The following RB1 variants were observed in gnomAD, a reference collection of about 807,000 sequenced individuals.
RB1 encodes the protein RB transcriptional corepressor 1.
Under a neutral mutation model 135.4 loss-of-function variants are expected in RB1, and 18 were observed. The observed-to-expected ratio is 0.13, with a 90% confidence interval of 0.09 to 0.20. The LOEUF (loss-of-function observed/expected upper bound fraction) is 0.20, where lower values mean the gene tolerates loss of function less well. Ranked by LOEUF, RB1 falls within the 10% of genes least tolerant of loss-of-function variation. The pLI is 1.00. For missense variants in RB1, 868 were observed against 1,110.0 expected, an observed-to-expected ratio of 0.78 and a Z score of 3.10; for synonymous variants, 365 against 373.2, an observed-to-expected ratio of 0.98 and a Z score of 0.25.
rs768484729 is a variant in RB1, at chr13:48,479,949, C to T, written c.2714-49C>T. On this transcript the variant is annotated intron_variant, in intron 26 of 26. Coordinates refer to ENST00000267163, the MANE Select transcript of RB1 (RefSeq NM_000321.3). The stretch of plus-strand genomic sequence containing the variant: ...AATATATATGGCAGCCACTTGCCAA[C>T]TTACCCAGTACCATCAATGCTGTTA... 10 of 1,519,952 alleles carry T rather than the reference C, an allele frequency of 6.6e-6. No homozygotes were observed. In the African/African-American group the frequency reaches 1.4e-4, roughly 21 times the overall value. The allele number at this position is 1,519,952 out of a possible 1,614,324, so 94.2% of individuals were successfully genotyped here.
At chr13:48,424,378 T>C (rs1949050188) in intron 17 of RB1, among the ~76,000 whole-genome samples, 1 of 152,170 alleles carries the variant, frequency 6.6e-6, no homozygotes, top group Admixed American at 6.5e-5. Flanking sequence ...TTCAAAGAGT[T>C]GAACCAACTT....
intron 17 of RB1, among the ~76,000 whole-genome samples, chr13:48,414,141 A>G (rs1948866829): frequency 6.6e-6 from 1 of 152,146 alleles, no homozygotes; most frequent in Non-Finnish European, 1.5e-5. Context: ...TGAGATCAGG[A>G]GTTTGAGAGC....
chr13:48,333,555 A>G (rs1356356832), intron 2 of RB1, among the ~76,000 whole-genome samples: 1 of 151,898 alleles, frequency 6.6e-6, no homozygotes, highest in African/African-American at 2.4e-5. Flanking sequence ...TCAGAAAATG[A>G]GGTCTGTAAT....
rs2138145481 is a variant in RB1 at position 48,381,375 on chromosome 13, A to C, written c.1627A>C (p.Thr543Pro). ...TTTTATCAAAGCAGAAGGCAACTTG[A>C]CAAGAGAAATGATAAAACATTTAGA... ...ESFIKAEGNL[T>P]REMIKHLERC... Residue 543 changes from threonine (T) to proline (P), a missense_variant, in exon 17 of 27, where the codon ACA (threonine) becomes CCA (proline). Thr to Pro is a conservative substitution (Grantham distance 38). Transcript: ENST00000267163. The C allele has an allele frequency of 1.2e-6, 2 of 1,612,646 alleles. No homozygotes were observed. The highest frequency in any genetic ancestry group is 1.7e-6 in the Non-Finnish European group (2 of 1,179,194).
intron 2 of RB1, chr13:48,328,531 G>A (rs576602008): frequency 1.5e-4 from 111 of 754,556 alleles, no homozygotes; most frequent in Non-Finnish European, 2.6e-4. Flanking sequence ...CGACTTTTCC[G>A]GCTTCTCCTC....
chr13:48,411,149 GA>G (rs1435956674), intron 17 of RB1: 8 of 390,940 alleles, frequency 2.0e-5, no homozygotes, highest in African/African-American at 1.0e-4. Flanking sequence ...AACTTTAAGA[GA>G]TTTTTTTTAA....
intron 11 of RB1, among the ~76,000 whole-genome samples, chr13:48,372,058 G>T (rs898745200): frequency 6.6e-6 from 1 of 152,076 alleles, no homozygotes; most frequent in African/African-American, 2.4e-5. Flanking sequence ...ACTCTCCATG[G>T]TCCATGGAAA....
At chr13:48,466,456 GA>G (rs1274209517) in intron 23 of RB1, among the ~76,000 whole-genome samples, 1 of 145,288 alleles carries the variant, frequency 6.9e-6, no homozygotes, top group Non-Finnish European at 1.5e-5. Context: ...CAAAGATGGG[GA>G]AAAAACAGAA....
chr13:48,353,873 T>A (rs1952569387), intron 6 of RB1, among the ~76,000 whole-genome samples: 1 of 152,138 alleles, frequency 6.6e-6, no homozygotes, highest in Non-Finnish European at 1.5e-5. Context: ...GAAAAAGCAT[T>A]TGATAAAATT....
rs564482566 is a variant in RB1, at chr13:48,441,593, C to T, written c.1696-11400C>T. The stretch of plus-strand genomic sequence containing the variant: ...CCACCTAGAAGTAGAAGCAGCAAAA[C>T]CCAAAAAACCAATACAATTTTTAAT... On this transcript the variant is annotated intron_variant, in intron 17 of 26. Coordinates refer to ENST00000267163, the MANE Select transcript of RB1 (RefSeq NM_000321.3). 3.4e-4 allele frequency among the ~76,000 whole-genome samples: 52 copies of T among 152,122 alleles called. No homozygotes were observed. The South Asian group carries it at 0.011, about 32-fold the overall frequency.
intron 6 of RB1, among the ~76,000 whole-genome samples, chr13:48,352,217 G>C (rs1952554481): frequency 6.6e-6 from 1 of 152,118 alleles, no homozygotes; most frequent in South Asian, 2.1e-4. Flanking sequence ...AAATGTGCCT[G>C]TTTTTGTACC....
chr13:48,476,661 G>A (rs1371112067), intron 24 of RB1, 40 bp from the exon 25 acceptor site: 3 of 1,594,436 alleles, frequency 1.9e-6, no homozygotes, highest in East Asian at 2.2e-5. Context: ...TGAAACACTG[G>A]CATTTAATGA....
chr13:48,320,178 AGCAACAAGACCACAGGCAG>A (rs1029643467), intron 2 of RB1: 2 of 892,880 alleles, frequency 2.2e-6, no homozygotes, highest in African/African-American at 3.4e-5. Flanking sequence ...GGTCAAAGTC[AGCAACAAGACCACAGGCAG>A]GCAATGCGGG....
At chr13:48,405,672 G>C (rs149177281) in intron 17 of RB1, among the ~76,000 whole-genome samples, 259 of 152,274 alleles carry the variant, frequency 1.7e-3, no homozygotes, top group African/African-American at 5.8e-3. Context: ...TGAGAAGAAA[G>C]TTTGTCAATA....
rs1952211679 is a variant in RB1 at position 48,319,040 on chromosome 13, C to T, written c.264+11634C>T. On this transcript the variant is annotated intron_variant, in intron 2 of 26. Coordinates refer to ENST00000267163, the MANE Select transcript of RB1 (RefSeq NM_000321.3). The surrounding 1 kb of genome is among the most constrained non-coding windows in gnomAD (Gnocchi z 5.0). ...GGAAATGCCCAAGATTGCTTCCGCGCGCGTCAGTTCAGCGGACGTGTCTGC... is the reference window on the plus strand; with the variant it reads ...GGAAATGCCCAAGATTGCTTCCGCGTGCGTCAGTTCAGCGGACGTGTCTGC... The T allele has an allele frequency of 4.7e-6, 3 of 644,080 alleles. No homozygotes were observed. The highest frequency in any genetic ancestry group is 1.8e-5 in the African/African-American group (1 of 55,162). The allele number at this position is 644,080 out of a possible 1,614,324, so 39.9% of individuals were successfully genotyped here. A position where few individuals can be genotyped will look rare whatever the true frequency, so the allele number is the denominator to read the frequency against.
At chr13:48,340,944 A>T (rs1402423483) in intron 2 of RB1, 2 of 152,334 alleles carry the variant, frequency 1.3e-5, no homozygotes, top group Non-Finnish European at 2.9e-5. Flanking sequence ...ATTTACATAC[A>T]CAAAATATGC....
At chr13:48,434,762 G>C (rs189340411) in intron 17 of RB1, among the ~76,000 whole-genome samples, 65 of 152,238 alleles carry the variant, frequency 4.3e-4, no homozygotes, top group African/African-American at 1.5e-3. Context: ...CCTGGCCACT[G>C]CTAATCTGCC....
chr13:48,473,542 T>C, intron 24 of RB1, 152 bp downstream of exon 24: 1 of 654,250 alleles, frequency 1.5e-6, no homozygotes, highest in Admixed American at 2.9e-5. Flanking sequence ...ATATCTCAGA[T>C]TTACTTTCAA....
chr13:48,405,550 G>A lies in RB1; in HGVS notation c.1695+24107G>A, dbSNP rs75007355. Among the ~76,000 whole-genome samples, 1,284 of 152,180 alleles carry A rather than the reference G, an allele frequency of 8.4e-3. 16 individuals carry two copies. The highest frequency in any genetic ancestry group is 0.03 in the African/African-American group (1,242 of 41,516). On this transcript the variant is annotated intron_variant, in intron 17 of 26. Transcript: ENST00000267163. ...CCATAAATTTTGTTTTAACACAGCC[G>A]CTTTATTCATTTATATATTGTCTGT...
Sources: allele counts gnomAD v4.1 joint callset (sites outside exome capture counted in the v4.1 genomes callset), GRCh38; gene constraint gnomAD v4.1.1; non-coding constraint Gnocchi (gnomAD v3.1); transcripts MANE v1.5; gene names NCBI Gene and HGNC (gene_info 2026-07-23, HGNC 2026-07-21).